The following PCDH9 variants were observed in gnomAD, a reference collection of about 807,000 sequenced individuals.
PCDH9 encodes the protein protocadherin-9.
In PCDH9, 24 loss-of-function variants were observed where a neutral mutation model predicts 70.6. That is an observed-to-expected ratio of 0.34 (90% CI 0.25 to 0.48). The LOEUF is 0.48. PCDH9 is among the 20% of genes least tolerant of loss of function. PCDH9 has a pLI of 0.99. For synonymous variants in PCDH9, 562 were observed against 558.5 expected (o/e 1.01, Z -0.09); for missense variants, 1,281 against 1,503.6 (o/e 0.85, Z 2.45).
rs144749262 is a variant in PCDH9 at position 66,319,236 on chromosome 13, G to GA, written c.3341-14209dup. On this transcript the variant is annotated intron_variant, in intron 4 of 4. Transcript: ENST00000377865. Reference sequence around the variant, plus strand: ...CTCACTATCATGGCAATAGCGTGGGGAAAAGTGCCCCATGATCCAATCACT... The same window carrying GA: ...CTCACTATCATGGCAATAGCGTGGGGAAAAAGTGCCCCATGATCCAATCACT... Among the ~76,000 whole-genome samples the GA allele has an allele frequency of 9.3e-3, 1,412 of 152,226 alleles. 25 individuals carry two copies. The highest frequency in any genetic ancestry group is 0.032 in the African/African-American group (1,325 of 41,544).
chr13:67,161,412 T>C (rs1266497501), intron 2 of PCDH9, among the ~76,000 whole-genome samples: 1 of 152,162 alleles, frequency 6.6e-6, no homozygotes, highest in Non-Finnish European at 1.5e-5. Context: ...GCTACATCCA[T>C]GCTTAAAGCT....
chr13:66,672,732 C>G (rs2078193563), intron 3 of PCDH9, among the ~76,000 whole-genome samples: 1 of 152,210 alleles, frequency 6.6e-6, no homozygotes, highest in African/African-American at 2.4e-5. Flanking sequence ...ATCAGCATGA[C>G]CTGGATGTGA....
At chr13:66,815,466 G>A (rs1002091088) in intron 3 of PCDH9, among the ~76,000 whole-genome samples, 7 of 152,098 alleles carry the variant, frequency 4.6e-5, no homozygotes, top group African/African-American at 7.2e-5. Flanking sequence ...AAAGACACAC[G>A]CACAGGTAGA....
chr13:66,925,930 G>T (rs890015745), intron 2 of PCDH9, among the ~76,000 whole-genome samples: 2 of 151,952 alleles, frequency 1.3e-5, no homozygotes, highest in Non-Finnish European at 2.9e-5. Flanking sequence ...AAATTACGAT[G>T]TTATATTTCC....
intron 3 of PCDH9, among the ~76,000 whole-genome samples, chr13:66,772,010 A>T: frequency 6.6e-6 from 1 of 152,236 alleles, no homozygotes; most frequent in East Asian, 1.9e-4. Context: ...CCACAATTTA[A>T]ATTAACCATA....
intron 2 of PCDH9, among the ~76,000 whole-genome samples, chr13:67,119,216 ATTG>A: frequency 6.6e-6 from 1 of 152,202 alleles, no homozygotes; most frequent in East Asian, 1.9e-4. Context: ...TGTTGAAGAT[ATTG>A]TTGTTATTGT....
intron 4 of PCDH9, among the ~76,000 whole-genome samples, chr13:66,373,882 A>G (rs1956703196): frequency 6.6e-6 from 1 of 152,144 alleles, no homozygotes; most frequent in Admixed American, 6.6e-5. Flanking sequence ...TGTAAAAGTC[A>G]CTTAATGATT....
chr13:66,541,993 C>T (rs1284097970), intron 4 of PCDH9, among the ~76,000 whole-genome samples: 1 of 151,902 alleles, frequency 6.6e-6, no homozygotes, highest in Non-Finnish European at 1.5e-5. Context: ...TTTTTAGTTC[C>T]TACAATGTTT....
At chr13:67,136,192 A>G (rs1167293013) in intron 2 of PCDH9, among the ~76,000 whole-genome samples, 3 of 152,124 alleles carry the variant, frequency 2.0e-5, no homozygotes, top group Non-Finnish European at 4.4e-5. Flanking sequence ...ATAATCGCCC[A>G]TAGAATTCAG....
At chr13:67,079,376 G>A (rs1341049127) in intron 2 of PCDH9, among the ~76,000 whole-genome samples, 1 of 152,060 alleles carries the variant, frequency 6.6e-6, no homozygotes, top group East Asian at 1.9e-4. Context: ...TTTTAAATGT[G>A]AGGACTATGA....
intron 3 of PCDH9, among the ~76,000 whole-genome samples, chr13:66,852,064 T>A (rs1333100898): frequency 6.6e-6 from 1 of 152,030 alleles, no homozygotes; most frequent in Non-Finnish European, 1.5e-5. Context: ...GCTCTACCCT[T>A]ATAACCTCAT....
In PCDH9 at chr13:66,435,211, A is replaced by C. The variant is rs376190253; in HGVS notation, c.3341-130183T>G. Among the ~76,000 whole-genome samples the C allele has an allele frequency of 1.4e-4, 22 of 152,268 alleles. No individual in the cohort carries two copies. In the East Asian group the frequency reaches 2.5e-3, roughly 17 times the overall value. ...CATTATTTAAAACAGGAATTAAGTGAGACTATAAATTGTTGTGTCTTTGAC... is the reference window on the plus strand; with the variant it reads ...CATTATTTAAAACAGGAATTAAGTGCGACTATAAATTGTTGTGTCTTTGAC... On this transcript the variant is annotated intron_variant, in intron 4 of 4. Transcript: ENST00000377865.
chr13:67,168,232 A>G (rs2088176976), intron 2 of PCDH9, among the ~76,000 whole-genome samples: 1 of 152,228 alleles, frequency 6.6e-6, no homozygotes, highest in Non-Finnish European at 1.5e-5. Flanking sequence ...TGATTTTAAA[A>G]TGATTTCAAT....
chr13:66,681,257 A>G (rs955333886), intron 3 of PCDH9, among the ~76,000 whole-genome samples: 5 of 152,004 alleles, frequency 3.3e-5, no homozygotes, highest in East Asian at 1.9e-4. Context: ...TGCCAAACAC[A>G]CCAGCTTCCA....
intron 4 of PCDH9, among the ~76,000 whole-genome samples, chr13:66,462,574 T>C (rs1958445138): frequency 6.6e-6 from 1 of 151,826 alleles, no homozygotes; most frequent in African/African-American, 2.4e-5. Context: ...AATACTATTG[T>C]TGTCCTAGCC....
chr13:66,901,751 T>A (rs752332544), intron 3 of PCDH9, among the ~76,000 whole-genome samples: 9 of 151,812 alleles, frequency 5.9e-5, no homozygotes, highest in Admixed American at 1.3e-4. Flanking sequence ...GTATGATTTA[T>A]AGAAAATTAT....
chr13:67,127,035 A>G (rs951966026), intron 2 of PCDH9, among the ~76,000 whole-genome samples: 5 of 152,178 alleles, frequency 3.3e-5, no homozygotes, highest in Non-Finnish European at 7.4e-5. Context: ...TTAGGTGGGA[A>G]ACAATGGAAG....
chr13:66,431,366 CACAA>C (rs1300057036), intron 4 of PCDH9, among the ~76,000 whole-genome samples: 1 of 151,972 alleles, frequency 6.6e-6, no homozygotes, highest in Admixed American at 6.6e-5. Flanking sequence ...GAAACTGACA[CACAA>C]ACAGATTAAA....
chr13:67,088,893 A>G (rs747679548), intron 2 of PCDH9, among the ~76,000 whole-genome samples: 1 of 152,080 alleles, frequency 6.6e-6, no homozygotes, highest in Admixed American at 6.6e-5. Context: ...TAATACAACT[A>G]TATCTAATTT....
Sources: gnomAD v4.1 joint callset for allele counts (sites outside exome capture counted in the v4.1 genomes callset) on GRCh38, gnomAD v4.1.1 for gene constraint, MANE v1.5 for transcripts, NCBI Gene and HGNC (gene_info 2026-07-23, HGNC 2026-07-21) for gene names.